The following SAMD9L variants were observed in gnomAD, a reference collection of about 807,000 sequenced individuals.
The protein encoded by SAMD9L is sterile alpha motif domain-containing protein 9-like.
SAMD9L carries 68 observed loss-of-function variants against 90.7 expected under a neutral mutation model. That is an observed-to-expected ratio of 0.75 (90% CI 0.62 to 0.92). The LOEUF (loss-of-function observed/expected upper bound fraction) is 0.92, where lower values mean the gene tolerates loss of function less well. SAMD9L is among the 40% of genes least tolerant of loss of function. SAMD9L has a pLI of 0.00. For missense variants in SAMD9L, 1,604 were observed against 1,824.3 expected, an observed-to-expected ratio of 0.88 and a Z score of 2.20; for synonymous variants, 640 against 630.1, an observed-to-expected ratio of 1.02 and a Z score of -0.23.
At position 93,133,363 on chromosome 7, in the gene SAMD9L, C is replaced by T. The variant is rs1301217837; in HGVS notation, c.2609G>A (p.Gly870Asp). Residue 870 changes from glycine to aspartate, a missense_variant, in exon 5 of 5, where the codon GGT becomes GAT. By Grantham distance (94) the Gly-to-Asp change is moderately conservative. Coordinates refer to ENST00000318238, the MANE Select transcript of SAMD9L (RefSeq NM_152703.5). ...CTTTTCAATTTCCTTCAGTTTGGCACCAAAAGCTCTTTGTTCCTTGGAAGA... is the reference window on the plus strand; with the variant it reads ...CTTTTCAATTTCCTTCAGTTTGGCATCAAAAGCTCTTTGTTCCTTGGAAGA... ...QLSSKEQRAF[G>D]AKLKEIEKQH... 6.2e-7 allele frequency: 1 copy of T among 1,613,474 alleles called. No individual in the cohort carries two copies. The highest frequency in any genetic ancestry group is 2.2e-5 in the East Asian group (1 of 44,862).
Position 93,131,050 on chromosome 7 carries a change from G to T in SAMD9L, c.*167C>A. 2.0e-6 allele frequency: 1 copy of T among 506,094 alleles called. No homozygotes were observed. Among genetic ancestry groups the T allele is most frequent in the East Asian group, 3.1e-5 (1 of 31,888 alleles). The allele number at this position is 506,094 out of a possible 1,614,324, so 31.4% of individuals were successfully genotyped here. Reference sequence around the variant, plus strand: ...ACTTTGTGCCAAGCTCTGCGGGTAGGCATATTTCATATCTTAAAAAGGCTT... The same window carrying T: ...ACTTTGTGCCAAGCTCTGCGGGTAGTCATATTTCATATCTTAAAAAGGCTT... On this transcript the variant is annotated 3_prime_UTR_variant, in exon 5 of 5. Transcript: ENST00000318238.
chr7:93,135,315 A>G lies in SAMD9L; in HGVS notation c.657T>C (p.Asn219=), dbSNP rs759454012. The part of the protein sequence containing the change: ...TEVDIKMKFS[N]EVFRFASACM... The stretch of plus-strand genomic sequence containing the variant: ...AAGCTGATGCAAATCGGAAGACTTC[A>G]TTGCTGAATTTCATCTTAATGTCCA... Residue 219 remains asparagine, a synonymous_variant, in exon 5 of 5, where the codon AAT becomes AAC. Coordinates refer to ENST00000318238, the MANE Select transcript of SAMD9L (RefSeq NM_152703.5). 3 of 1,614,134 alleles carry G rather than the reference A, an allele frequency of 1.9e-6. No homozygotes were observed. Among genetic ancestry groups the G allele is most frequent in the South Asian group, 1.1e-5 (1 of 91,082 alleles).
At chr7:93,136,033 T>C in intron 4 of SAMD9L, 42 bp from the exon 5 acceptor site, 1 of 1,306,668 alleles carries the variant, frequency 7.7e-7, no homozygotes, top group East Asian at 2.5e-5. Context: ...AATTATACTT[T>C]ATTTTTAAAA....
rs138117349 is a variant in SAMD9L at position 93,132,230 on chromosome 7, A to G, written c.3742T>C (p.Leu1248=). 1.5e-4 allele frequency: 240 copies of G among 1,613,726 alleles called. No individual in the cohort carries two copies. The highest frequency in any genetic ancestry group is 1.9e-4 in the Non-Finnish European group (223 of 1,179,882). ...TGGGATGTGAACTTGCTAAGAGCCA[A>G]ATAACATTCATTTCTGGGATCAGGA... is the stretch of plus-strand genomic sequence containing the variant. The part of the protein sequence containing the change: ...IPPDPRNECY[L]ALSKFTSHLK... The change falls in exon 5 of 5, where the codon TTG becomes CTG. Residue 1248 remains leucine, a synonymous_variant. Coordinates refer to ENST00000318238, the MANE Select transcript of SAMD9L (RefSeq NM_152703.5).
chr7:93,138,528 A>T (rs543214897), intron 4 of SAMD9L, among the ~76,000 whole-genome samples: 7 of 152,184 alleles, frequency 4.6e-5, no homozygotes, highest in Non-Finnish European at 7.3e-5. Context: ...AGGATATATG[A>T]GGAAGAAGAG....
Position 93,131,862 on chromosome 7 carries a change from T to A in SAMD9L, c.4110A>T (p.Gln1370His), listed in dbSNP as rs761972335. ...IVNEYAFLLQ[Q>H]NSKKPMTNEK... ...CATTTGTCATGGGCTTTTTTGAGTT[T>A]TGCTGCAGTAGGAAGGCATATTCAT... Residue 1370 changes from glutamine (Q) to histidine (H), a missense_variant, in exon 5 of 5, where the codon CAA becomes CAT. Physicochemically the swap from Gln to His is conservative, Grantham distance 24. Coordinates refer to ENST00000318238, the MANE Select transcript of SAMD9L (RefSeq NM_152703.5). 8 of 1,612,076 alleles carry A rather than the reference T, an allele frequency of 5.0e-6. No homozygotes were observed. In the East Asian group the frequency reaches 1.6e-4, roughly 31 times the overall value.
Position 93,131,296 on chromosome 7 carries a change from C to T in SAMD9L, c.4676G>A (p.Gly1559Asp). The change falls in exon 5 of 5, where the codon GGT becomes GAT. Residue 1559 changes from glycine (G) to aspartate (D), a missense_variant. Gly to Asp is a moderately conservative substitution (Grantham distance 94). Transcript: ENST00000318238. ...GAAAGACACTCTTTCTATGTTCCTA[C>T]CACTTCTGAGTGGACCTGAATAAAC... ...ISVYSGPLRSGRNIERVSFYL... is the reference protein window; with the variant it reads ...ISVYSGPLRSDRNIERVSFYL... 1 of 1,612,190 alleles carries T rather than the reference C, an allele frequency of 6.2e-7. No homozygotes were observed. The highest frequency in any genetic ancestry group is 8.5e-7 in the Non-Finnish European group (1 of 1,179,212).
chr7:93,142,129 C>A (rs138787561), intron 4 of SAMD9L, among the ~76,000 whole-genome samples: 1 of 152,268 alleles, frequency 6.6e-6, no homozygotes, highest in African/African-American at 2.4e-5. Context: ...TTCAATAAGG[C>A]CTTTCTTGCT....
At chr7:93,144,145 A>T (rs1364749382) in intron 4 of SAMD9L, among the ~76,000 whole-genome samples, 1 of 152,188 alleles carries the variant, frequency 6.6e-6, no homozygotes, top group Non-Finnish European at 1.5e-5. Flanking sequence ...ATGCACCTGA[A>T]ACCACTGTAT....
rs752558099 is a variant in SAMD9L, at chr7:93,132,558, G to C, written c.3414C>G (p.Asn1138Lys). Residue 1138 changes from asparagine to lysine, a missense_variant, in exon 5 of 5, where the codon AAC (asparagine) becomes AAG (lysine). This residue lies in a region of SAMD9L where 302 missense variants were observed against 314.7 expected (regional missense o/e 0.96). Transcript: ENST00000318238. Reference protein sequence around the residue: ...KSEIKWWLDGNKNCRSITVND... With the variant: ...KSEIKWWLDGKKNCRSITVND... ...TAACAGTAATGCTCCTACAGTTTTT[G>C]TTCCCATCCAACCACCATTTGATTT... is the stretch of plus-strand genomic sequence containing the variant. The C allele has an allele frequency of 6.2e-7, 1 of 1,613,822 alleles. No individual in the cohort carries two copies. Among genetic ancestry groups the C allele is most frequent in the East Asian group, 2.2e-5 (1 of 44,876 alleles).
In SAMD9L at chr7:93,134,823, C is replaced by CTCT; in HGVS notation, c.1146_1148dup (p.Glu383dup). The CTCT allele has an allele frequency of 6.2e-7, 1 of 1,613,840 alleles. No individual in the cohort carries two copies. Among genetic ancestry groups the CTCT allele is most frequent in the Non-Finnish European group, 8.5e-7 (1 of 1,179,910 alleles). On this transcript the variant is annotated inframe_insertion, in exon 5 of 5. Transcript: ENST00000318238. ...CCTTCTTCATTGCCTTCATTCCATA[C>CTCT]TCTTCTTCAGCCTCTTTTCTAGATG...
intron 4 of SAMD9L, among the ~76,000 whole-genome samples, chr7:93,138,335 G>C (rs757858209): frequency 2.0e-5 from 3 of 152,026 alleles, no homozygotes; most frequent in African/African-American, 7.3e-5. Context: ...TATGTACCAG[G>C]CATCATGCTC....
rs913284000 is a variant in SAMD9L at position 93,145,778 on chromosome 7, A to C, written c.-516T>G. 3.9e-5 allele frequency: 6 copies of C among 152,212 alleles called. No homozygotes were observed. Among genetic ancestry groups the C allele is most frequent in the African/African-American group, 1.4e-4 (6 of 41,452 alleles). 9.4% of individuals were successfully genotyped at this position (152,212 alleles called of 1,614,324 possible). A position where few individuals can be genotyped will look rare whatever the true frequency, so the allele number is the denominator to read the frequency against. ...CTAGGTAGCATCTCTTTGTGTACTT[A>C]CTTCTAAGAAAATAAATAAAACTCA... On this transcript the variant is annotated 5_prime_UTR_variant, in exon 3 of 5. Transcript: ENST00000318238.
intron 4 of SAMD9L, among the ~76,000 whole-genome samples, chr7:93,143,058 G>A (rs1284101462): frequency 6.6e-6 from 1 of 152,086 alleles, no homozygotes; most frequent in Non-Finnish European, 1.5e-5. Flanking sequence ...GATAGCAGAG[G>A]GATTGTCTTT....
In SAMD9L at chr7:93,135,796, C is replaced by T. The variant is rs769910681; in HGVS notation, c.176G>A (p.Gly59Glu). Residue 59 changes from glycine (G) to glutamate (E), a missense_variant, in exon 5 of 5, where the codon GGG (glycine) becomes GAG (glutamate). By Grantham distance (98) the Gly-to-Glu change is moderately conservative (BLOSUM62 -2). Around this residue, in one of 7 missense-constraint regions of SAMD9L, gnomAD observed 374 missense variants for 363.6 expected, o/e 1.03. Coordinates refer to ENST00000318238, the MANE Select transcript of SAMD9L (RefSeq NM_152703.5). The part of the protein sequence containing the change: ...ELTEKDLVEM[G>E]LPWGPALLIK... ...CAAAAGTGCTGGACCCCATGGTAGCCCCATTTCTACAAGGTCCTTCTCAGT... is the reference window on the plus strand; with the variant it reads ...CAAAAGTGCTGGACCCCATGGTAGCTCCATTTCTACAAGGTCCTTCTCAGT... 1 of 1,613,986 alleles carries T rather than the reference C, an allele frequency of 6.2e-7. No individual in the cohort carries two copies. Among genetic ancestry groups the T allele is most frequent in the Non-Finnish European group, 8.5e-7 (1 of 1,179,960 alleles).
intron 4 of SAMD9L, among the ~76,000 whole-genome samples, chr7:93,142,766 C>T (rs770682331): frequency 6.6e-6 from 1 of 152,260 alleles, no homozygotes; most frequent in Non-Finnish European, 1.5e-5. Context: ...AGGCAACAAA[C>T]CCTCCTCTGG....
chr7:93,137,490 C>G (rs1232277711), intron 4 of SAMD9L, among the ~76,000 whole-genome samples: 1 of 151,806 alleles, frequency 6.6e-6, no homozygotes, highest in African/African-American at 2.4e-5. Context: ...AAAACAAGCT[C>G]AGGGCTCCCA....
Position 93,131,037 on chromosome 7 carries a change from G to A in SAMD9L, c.*180C>T. The A allele has an allele frequency of 2.1e-6, 1 of 480,792 alleles. No individual in the cohort carries two copies. Among genetic ancestry groups the A allele is most frequent in the Non-Finnish European group, 3.6e-6 (1 of 274,874 alleles). 29.8% of individuals were successfully genotyped at this position (480,792 alleles called of 1,614,324 possible). A position where few individuals can be genotyped will look rare whatever the true frequency, so the allele number is the denominator to read the frequency against. On this transcript the variant is annotated 3_prime_UTR_variant, in exon 5 of 5. Transcript: ENST00000318238. ...AAAGATTGACTCCACTTTGTGCCAA[G>A]CTCTGCGGGTAGGCATATTTCATAT... is the stretch of plus-strand genomic sequence containing the variant.
chr7:93,130,668 T>TGTGTGTGC lies in SAMD9L; in HGVS notation c.*548_*549insGCACACAC, dbSNP rs1410971475. On this transcript the variant is annotated 3_prime_UTR_variant, in exon 5 of 5. Transcript: ENST00000318238. The stretch of plus-strand genomic sequence containing the variant: ...GGGCAAGGGGTACAAGGAGTGTGTG[T>TGTGTGTGC]GTGTGTGTGTGTGTGTGTGTGTGTG... 3 of 112,294 alleles carry TGTGTGTGC rather than the reference T, an allele frequency of 2.7e-5. No homozygotes were observed. Among genetic ancestry groups the TGTGTGTGC allele is most frequent in the Admixed American group, 8.7e-5 (1 of 11,554 alleles). 7.0% of individuals were successfully genotyped at this position (112,294 alleles called of 1,614,324 possible).
Sources: gnomAD v4.1 joint callset for allele counts (sites outside exome capture counted in the v4.1 genomes callset) on GRCh38, gnomAD v4.1.1 for gene constraint, gnomAD v4.1.1 regional missense constraint, MANE v1.5 for transcripts, NCBI Gene and HGNC (gene_info 2026-07-23, HGNC 2026-07-21) for gene names.